The following ANKHD1 variants were observed in gnomAD, a reference collection of about 807,000 sequenced individuals.
The protein encoded by ANKHD1 is ankyrin repeat and KH domain-containing protein 1.
In ANKHD1, 31 loss-of-function variants were observed where a neutral mutation model predicts 230.5. That is an observed-to-expected ratio of 0.13 (90% CI 0.10 to 0.18). The LOEUF (loss-of-function observed/expected upper bound fraction) is 0.18, where lower values mean the gene tolerates loss of function less well. Ranked by LOEUF, ANKHD1 falls within the 10% of genes least tolerant of loss-of-function variation. ANKHD1 has a pLI of 1.00. For missense variants in ANKHD1, 2,256 were observed against 3,071.3 expected, an observed-to-expected ratio of 0.73 and a Z score of 6.27; for synonymous variants, 1,074 against 1,117.6, an observed-to-expected ratio of 0.96 and a Z score of 0.78.
At chr5:140,516,972 C>T (rs970961112) in intron 24 of ANKHD1, among the ~76,000 whole-genome samples, 2 of 151,906 alleles carry the variant, frequency 1.3e-5, no homozygotes, top group African/African-American at 4.8e-5. Flanking sequence ...ATTAAATGCT[C>T]CAATTAAAAG....
chr5:140,537,299 T>C, intron 30 of ANKHD1, 90 bp from the exon 31 acceptor site: 1 of 1,497,476 alleles, frequency 6.7e-7, no homozygotes, highest in East Asian at 2.3e-5. Context: ...TATAGTTTTT[T>C]ATATGTAATA....
intron 1 of ANKHD1, among the ~76,000 whole-genome samples, chr5:140,407,316 T>A (rs1770549838): frequency 6.7e-6 from 1 of 149,078 alleles, no homozygotes; most frequent in East Asian, 2.0e-4. Context: ...AAAAAACCAC[T>A]TTAAAAAATG....
chr5:140,417,661 G>C (rs894103753), intron 1 of ANKHD1, among the ~76,000 whole-genome samples: 35 of 151,824 alleles, frequency 2.3e-4, no homozygotes, highest in African/African-American at 8.5e-4. Context: ...TGTTGCCCAG[G>C]CTGGTGGTCC....
At chr5:140,472,514 T>TA (rs1437918860) in intron 10 of ANKHD1, 20 of 1,194,270 alleles carry the variant, frequency 1.7e-5, no homozygotes, top group East Asian at 3.3e-5. Context: ...GTGATATTCC[T>TA]AAAAAAATCT....
intron 24 of ANKHD1, 138 bp from the exon 25 acceptor site, chr5:140,523,928 T>A (rs1753483227): frequency 8.5e-7 from 1 of 1,176,970 alleles, no homozygotes; most frequent in Non-Finnish European, 1.1e-6. Context: ...GTCCAGTTTA[T>A]TTTTTCTTGT....
intron 24 of ANKHD1, among the ~76,000 whole-genome samples, chr5:140,517,123 A>G (rs1753058418): frequency 6.8e-6 from 1 of 147,286 alleles, no homozygotes; most frequent in Non-Finnish European, 1.5e-5. Flanking sequence ...AAACAAAAAA[A>G]GGCAGGGGTT....
At chr5:140,466,842 G>C (rs1776128333) in intron 10 of ANKHD1, among the ~76,000 whole-genome samples, 5 of 151,450 alleles carry the variant, frequency 3.3e-5, no homozygotes, top group Admixed American at 3.3e-4. Context: ...AGATACTTGG[G>C]AGAATCACTT....
intron 25 of ANKHD1, 67 bp from the exon 26 acceptor site, chr5:140,525,929 T>C: frequency 6.7e-7 from 1 of 1,487,276 alleles, no homozygotes; most frequent in Non-Finnish European, 9.0e-7. Context: ...TTATCAAATA[T>C]ATTCTGTCAG....
chr5:140,484,941 C>T (rs1751438075), intron 11 of ANKHD1, 180 bp from the exon 12 acceptor site: 1 of 1,001,944 alleles, frequency 1.0e-6, no homozygotes, highest in East Asian at 3.6e-5. Flanking sequence ...GTTTCTTCCT[C>T]TGGGTGCTGG....
intron 7 of ANKHD1, among the ~76,000 whole-genome samples, chr5:140,451,016 G>A (rs1774694044): frequency 6.6e-6 from 1 of 152,062 alleles, no homozygotes; most frequent in African/African-American, 2.4e-5. Flanking sequence ...GCCAGGCGTG[G>A]TAGTGTGCAC....
intron 7 of ANKHD1, among the ~76,000 whole-genome samples, chr5:140,457,066 A>G (rs1395231173): frequency 1.3e-5 from 2 of 152,250 alleles, no homozygotes; most frequent in African/African-American, 4.8e-5. Context: ...CACTTCTCAA[A>G]AGAAGACATT....
At chr5:140,499,144 G>A (rs1485759409) in intron 15 of ANKHD1, among the ~76,000 whole-genome samples, 1 of 151,816 alleles carries the variant, frequency 6.6e-6, no homozygotes, top group Admixed American at 6.6e-5. Context: ...TTCCATTTTT[G>A]TGAAGGCTAT....
chr5:140,457,392 G>A (rs1775280668), intron 7 of ANKHD1, among the ~76,000 whole-genome samples: 1 of 152,188 alleles, frequency 6.6e-6, no homozygotes, highest in African/African-American at 2.4e-5. Context: ...CTGCTATAAA[G>A]ACAGATGCAC....
Position 140,532,582 on chromosome 5 carries a change from G to A in ANKHD1, c.6851-2780G>A, listed in dbSNP as rs538281083. Among the ~76,000 whole-genome samples, 16 of 152,252 alleles carry A rather than the reference G, an allele frequency of 1.1e-4. No individual in the cohort carries two copies. In the South Asian group the frequency reaches 2.7e-3, roughly 26 times the overall value. On this transcript the variant is annotated intron_variant, in intron 29 of 33. Transcript: ENST00000360839. ...ATCCCAAAGAGATAGGATTGCGGGT[G>A]TGAGCCACCATGCCCAGCTTCAGAG...
In ANKHD1 at chr5:140,424,489, T is replaced by C. The variant is rs1004501015; in HGVS notation, c.307-11615T>C. 1.1e-4 allele frequency among the ~76,000 whole-genome samples: 17 copies of C among 152,128 alleles called. 1 individual carries two copies. The highest frequency in any genetic ancestry group is 4.8e-5 in the African/African-American group (2 of 41,422). ...AATTTTATTTTTTGTAGAGATGATATGTTCAAAAACTACAGCAATTTGGTA... is the reference window on the plus strand; with the variant it reads ...AATTTTATTTTTTGTAGAGATGATACGTTCAAAAACTACAGCAATTTGGTA... On this transcript the variant is annotated intron_variant, in intron 1 of 33. Transcript: ENST00000360839.
chr5:140,521,778 G>A (rs1342881736), intron 24 of ANKHD1, among the ~76,000 whole-genome samples: 4 of 152,084 alleles, frequency 2.6e-5, no homozygotes, highest in African/African-American at 4.8e-5. Context: ...TCAGGAGTTC[G>A]AGACCAGGCT....
chr5:140,422,268 G>A (rs527761868), intron 1 of ANKHD1, among the ~76,000 whole-genome samples: 7 of 151,804 alleles, frequency 4.6e-5, no homozygotes, highest in East Asian at 2.0e-4. Flanking sequence ...GATTACAGGC[G>A]CCCACCACCA....
intron 29 of ANKHD1, among the ~76,000 whole-genome samples, chr5:140,532,164 G>A (rs1006277760): frequency 2.0e-5 from 3 of 148,860 alleles, no homozygotes; most frequent in African/African-American, 7.5e-5. Context: ...CTGAGATCGC[G>A]CCACTGCACT....
chr5:140,449,086 T>C, intron 6 of ANKHD1, 125 bp from the exon 7 acceptor site: 1 of 1,013,046 alleles, frequency 9.9e-7, no homozygotes, highest in Non-Finnish European at 1.4e-6. Flanking sequence ...ACTGATTTAT[T>C]TATTGAATGC....
Sources: gnomAD v4.1 joint callset for allele counts (sites outside exome capture counted in the v4.1 genomes callset) on GRCh38, gnomAD v4.1.1 for gene constraint, MANE v1.5 for transcripts, NCBI Gene and HGNC (gene_info 2026-07-23, HGNC 2026-07-21) for gene names.